TMTC1: variants seen among roughly 807,000 people sequenced by gnomAD.
TMTC1 encodes the protein transmembrane O-mannosyltransferase targeting cadherins 1, also known as protein O-mannosyl-transferase TMTC1.
A neutral mutation model predicts 104.8 loss-of-function variants in TMTC1; 73 were observed. The ratio of observed to expected loss-of-function variants is 0.70; its 90% CI spans 0.58 to 0.85. The LOEUF (loss-of-function observed/expected upper bound fraction) is 0.85. Ranked by LOEUF, TMTC1 falls within the 40% of genes least tolerant of loss-of-function variation. The probability of loss-of-function intolerance (pLI) is 0.00; values close to 1 mark genes in which losing one functional copy is unlikely to be tolerated. For synonymous variants in TMTC1, 434 were observed against 428.7 expected, an observed-to-expected ratio of 1.01 and a Z score of -0.15; for missense variants, 1,035 against 1,096.1, an observed-to-expected ratio of 0.94 and a Z score of 0.79.
rs184226737 is a variant in TMTC1, at chr12:29,555,331, T to G, written c.1676+1526A>C. ...TTTTTTTATTTTTTATTTATTTATT[T>G]TTTTAAAATTATACTTAAGTTCTGG... On this transcript the variant is annotated intron_variant, in intron 10 of 17. Transcript: ENST00000539277. Among the ~76,000 whole-genome samples, 807 of 151,914 alleles carry G rather than the reference T, an allele frequency of 5.3e-3. 3 individuals are homozygous for G. The highest frequency in any genetic ancestry group is 7.9e-3 in the Non-Finnish European group (534 of 67,972).
intron 5 of TMTC1, among the ~76,000 whole-genome samples, chr12:29,662,662 G>A (rs1171438436): frequency 9.0e-5 from 9 of 99,548 alleles, no homozygotes; most frequent in Non-Finnish European, 1.7e-4. Context: ...GCGAGACTCC[G>A]TCTCAAAAAA....
In TMTC1 at chr12:29,535,845, C is replaced by A. The variant is rs1019452673; in HGVS notation, c.1785+364G>T. On this transcript the variant is annotated intron_variant, in intron 11 of 17. Transcript: ENST00000539277. The stretch of plus-strand genomic sequence containing the variant: ...GTTAAAACAGAATTTGTAGGATTAT[C>A]AAATTGCTCCATGTTGAGTTCAGCG... The A allele has an allele frequency of 2.0e-5, 4 of 199,252 alleles. No individual in the cohort carries two copies. In the South Asian group the frequency reaches 3.7e-4, roughly 18 times the overall value. The allele number at this position is 199,252 out of a possible 1,614,324, so 12.3% of individuals were successfully genotyped here. A position where few individuals can be genotyped will look rare whatever the true frequency, so the allele number is the denominator to read the frequency against.
intron 5 of TMTC1, among the ~76,000 whole-genome samples, chr12:29,725,972 C>T (rs1034126244): frequency 4.6e-5 from 7 of 152,184 alleles, no homozygotes; most frequent in East Asian, 1.9e-4. Flanking sequence ...AGAAGAATTC[C>T]GGCTTCTCCT....
At chr12:29,699,372 A>G (rs1941515237) in intron 5 of TMTC1, among the ~76,000 whole-genome samples, 1 of 152,214 alleles carries the variant, frequency 6.6e-6, no homozygotes, top group Non-Finnish European at 1.5e-5. Context: ...CTGAGAAAAC[A>G]GTAAAGGTGA....
chr12:29,596,592 A>G, intron 7 of TMTC1, among the ~76,000 whole-genome samples: 1 of 152,332 alleles, frequency 6.6e-6, no homozygotes, highest in East Asian at 1.9e-4. Flanking sequence ...TAGCCAACCC[A>G]TATGTCTACT....
At chr12:29,760,043 T>C (rs1438223757) in intron 2 of TMTC1, among the ~76,000 whole-genome samples, 1 of 152,198 alleles carries the variant, frequency 6.6e-6, no homozygotes, top group South Asian at 2.1e-4. Context: ...TTGATATGTT[T>C]AGATACACAA....
At chr12:29,515,648 C>T (rs1434385432) in intron 15 of TMTC1, among the ~76,000 whole-genome samples, 1 of 152,086 alleles carries the variant, frequency 6.6e-6, no homozygotes, top group Non-Finnish European at 1.5e-5. Context: ...GGAGAGGTAG[C>T]GCTTCATGAT....
At chr12:29,603,972 G>A (rs1946630621) in intron 7 of TMTC1, among the ~76,000 whole-genome samples, 1 of 152,148 alleles carries the variant, frequency 6.6e-6, no homozygotes, top group African/African-American at 2.4e-5. Flanking sequence ...GTTTGCAACT[G>A]AAGGTAAACC....
intron 5 of TMTC1, among the ~76,000 whole-genome samples, chr12:29,641,751 G>C (rs1938866784): frequency 6.6e-6 from 1 of 152,060 alleles, no homozygotes; most frequent in Non-Finnish European, 1.5e-5. Context: ...AGAAATCCCT[G>C]ATTTACCTGG....
At chr12:29,757,927 A>G (rs1306769564) in intron 3 of TMTC1, among the ~76,000 whole-genome samples, 1 of 151,986 alleles carries the variant, frequency 6.6e-6, no homozygotes, top group Admixed American at 6.6e-5. Flanking sequence ...ACTACCTCCC[A>G]CTAGGTTCCT....
At chr12:29,653,340 C>T (rs936422263) in intron 5 of TMTC1, among the ~76,000 whole-genome samples, 1 of 151,948 alleles carries the variant, frequency 6.6e-6, no homozygotes, top group African/African-American at 2.4e-5. Context: ...ATGGAGATAG[C>T]TGCATGAATT....
intron 9 of TMTC1, among the ~76,000 whole-genome samples, chr12:29,570,881 A>AC (rs71045818): frequency 0.027 from 834 of 30,912 alleles, 38 homozygotes; most frequent in East Asian, 0.058. Context: ...AAACAGAAAC[A>AC]CCCCCCCCCC....
rs76066471 is a variant in TMTC1 at position 29,730,022 on chromosome 12, G to A, written c.938+21644C>T. ...CAAGAGCCTGCTGATTACATATAGC[G>A]GACATGCCAACGAGAACAAGGGATG... On this transcript the variant is annotated intron_variant, in intron 5 of 17. Transcript: ENST00000539277. Among the ~76,000 whole-genome samples, 46 of 152,204 alleles carry A rather than the reference G, an allele frequency of 3.0e-4. No individual in the cohort carries two copies. The East Asian group carries it at 6.6e-3, about 22-fold the overall frequency.
At chr12:29,624,048 C>T (rs900645503) in intron 6 of TMTC1, among the ~76,000 whole-genome samples, 6 of 151,924 alleles carry the variant, frequency 3.9e-5, no homozygotes, top group East Asian at 1.9e-4. Flanking sequence ...GGCACAATCT[C>T]GGCTCACTGC....
At chr12:29,514,665 A>G in intron 15 of TMTC1, 61 bp from the exon 16 acceptor site, 1 of 1,538,606 alleles carries the variant, frequency 6.5e-7, no homozygotes, top group Non-Finnish European at 8.8e-7. Flanking sequence ...AACTTATTTA[A>G]CTGATCAAAT....
intron 5 of TMTC1, among the ~76,000 whole-genome samples, chr12:29,707,081 A>G (rs1193045286): frequency 6.6e-6 from 1 of 152,160 alleles, no homozygotes; most frequent in Non-Finnish European, 1.5e-5. Flanking sequence ...GATGGCAATC[A>G]ATTACGAGGC....
chr12:29,518,625 T>G lies in TMTC1; in HGVS notation c.1889-18A>C, dbSNP rs111725518. The G allele has an allele frequency of 6.2e-6, 10 of 1,613,462 alleles. No individual in the cohort carries two copies. Among genetic ancestry groups the G allele is most frequent in the Non-Finnish European group, 8.5e-6 (10 of 1,179,714 alleles). ...TGGTAAGCCTGTAACCAGTGACAGG[T>G]TGGTAAGAGCAGAACATGCCTTTTT... On this transcript the variant is annotated intron_variant, in intron 12 of 17. Transcript: ENST00000539277.
Position 29,681,334 on chromosome 12 carries a change from GTC to G in TMTC1, c.939-48000_939-47999del, listed in dbSNP as rs545223638. Among the ~76,000 whole-genome samples, 347 of 152,278 alleles carry G rather than the reference GTC, an allele frequency of 2.3e-3. 1 individual carries two copies. Among genetic ancestry groups the G allele is most frequent in the Non-Finnish European group, 2.8e-3 (191 of 68,010 alleles). ...GTAATCAAATGTCTCATGAAGGAAT[GTC>G]TCTCTTGATAGATATTCTGGCTAGT... is the stretch of plus-strand genomic sequence containing the variant. On this transcript the variant is annotated intron_variant, in intron 5 of 17. Coordinates refer to ENST00000539277, the MANE Select transcript of TMTC1 (RefSeq NM_001193451.2).
intron 16 of TMTC1, 102 bp downstream of exon 16, chr12:29,514,380 G>T: frequency 8.0e-7 from 1 of 1,242,252 alleles, no homozygotes; most frequent in Non-Finnish European, 1.1e-6. Context: ...AAACATACAT[G>T]CCAGTGATCT....
Sources: gnomAD v4.1 joint callset for allele counts (sites outside exome capture counted in the v4.1 genomes callset) on GRCh38, gnomAD v4.1.1 for gene constraint, MANE v1.5 for transcripts, NCBI Gene and HGNC (gene_info 2026-07-23, HGNC 2026-07-21) for gene names.